Variants in AUTS2 observed in about 807,000 individuals in gnomAD.
AUTS2 encodes activator of transcription and developmental regulator AUTS2.
In AUTS2, 17 loss-of-function variants were observed where a neutral mutation model predicts 112.4. That is an observed-to-expected ratio of 0.15 (90% CI 0.10 to 0.23). The LOEUF (loss-of-function observed/expected upper bound fraction) is 0.23, where lower values mean the gene tolerates loss of function less well. Among genes scored for constraint, AUTS2 ranks in the 10% least tolerant of loss-of-function variants. The pLI, the probability that AUTS2 is intolerant of heterozygous loss-of-function variation, is 1.00. For synonymous variants in AUTS2, 751 were observed against 702.7 expected, an observed-to-expected ratio of 1.07 and a Z score of -1.09; for missense variants, 1,510 against 1,701.6, an observed-to-expected ratio of 0.89 and a Z score of 1.98.
At chr7:70,424,214 G>C (rs903009220) in intron 4 of AUTS2, among the ~76,000 whole-genome samples, 8 of 152,170 alleles carry the variant, frequency 5.3e-5, no homozygotes, top group African/African-American at 1.9e-4. Context: ...CTGTGAGCCA[G>C]GGACTGTGCT....
intron 2 of AUTS2, among the ~76,000 whole-genome samples, chr7:70,012,104 C>T (rs921060160): frequency 3.3e-5 from 5 of 152,132 alleles, no homozygotes; most frequent in Non-Finnish European, 5.9e-5. Context: ...TTCTGCAAAG[C>T]GTTGATGGTG....
At chr7:69,738,256 A>G (rs942240919) in intron 1 of AUTS2, among the ~76,000 whole-genome samples, 7 of 150,994 alleles carry the variant, frequency 4.6e-5, no homozygotes, top group African/African-American at 1.7e-4. Flanking sequence ...CTCCTTTTTC[A>G]TCCCCTTCTC....
At chr7:70,661,517 C>A (rs1369749333) in intron 5 of AUTS2, among the ~76,000 whole-genome samples, 3 of 152,150 alleles carry the variant, frequency 2.0e-5, no homozygotes, top group Non-Finnish European at 4.4e-5. Flanking sequence ...GTTGTAGCTC[C>A]GCTACCTGAT....
At chr7:69,600,024 G>T in intron 1 of AUTS2, 62 bp downstream of exon 1, 1 of 1,555,368 alleles carries the variant, frequency 6.4e-7, no homozygotes, top group Non-Finnish European at 8.8e-7. Flanking sequence ...GCTGCGCCCG[G>T]CTCTCCTGCC....
intron 4 of AUTS2, among the ~76,000 whole-genome samples, chr7:70,282,870 G>C (rs1189469842): frequency 6.6e-6 from 1 of 152,100 alleles, no homozygotes; most frequent in African/African-American, 2.4e-5. Context: ...CCATCCTGAT[G>C]TATATCAGCT....
chr7:69,893,733 A>G (rs1450627262), intron 1 of AUTS2, among the ~76,000 whole-genome samples: 2 of 152,144 alleles, frequency 1.3e-5, no homozygotes, highest in Non-Finnish European at 2.9e-5. Flanking sequence ...AACCCACTTC[A>G]TGCAAGGCAG....
chr7:70,124,929 G>A (rs1282327257), intron 3 of AUTS2, among the ~76,000 whole-genome samples: 1 of 152,100 alleles, frequency 6.6e-6, no homozygotes, highest in Non-Finnish European at 1.5e-5. Flanking sequence ...ACTGGTTTTT[G>A]TTTTTGTTTT....
At chr7:70,308,092 C>T (rs1789569003) in intron 4 of AUTS2, among the ~76,000 whole-genome samples, 1 of 152,182 alleles carries the variant, frequency 6.6e-6, no homozygotes, top group Non-Finnish European at 1.5e-5. Context: ...TACATTGTTT[C>T]TCTCATGCTA....
chr7:69,732,077 G>A (rs537949792), intron 1 of AUTS2, among the ~76,000 whole-genome samples: 7 of 152,130 alleles, frequency 4.6e-5, no homozygotes, highest in Middle Eastern at 3.4e-3. Context: ...TTGTTAGGAA[G>A]GCTATAGAGC....
At chr7:69,957,591 TA>T (rs66682286) in intron 2 of AUTS2, among the ~76,000 whole-genome samples, 7,308 of 152,254 alleles carry the variant, frequency 0.048, 236 homozygotes, top group Non-Finnish European at 0.07. Flanking sequence ...GGGAATATGT[TA>T]GAATTTTTTT....
intron 5 of AUTS2, among the ~76,000 whole-genome samples, chr7:70,509,397 C>T (rs1277501946): frequency 6.6e-6 from 1 of 152,078 alleles, no homozygotes; most frequent in Non-Finnish European, 1.5e-5. Context: ...GGGAAAGTAC[C>T]CTACGGAAGG....
At chr7:69,712,548 A>T (rs1407166558) in intron 1 of AUTS2, among the ~76,000 whole-genome samples, 1 of 152,156 alleles carries the variant, frequency 6.6e-6, no homozygotes, top group Non-Finnish European at 1.5e-5. Flanking sequence ...TGTAGTGTAT[A>T]TTGATAATTT....
chr7:70,697,458 G>T (rs776445696), intron 5 of AUTS2, among the ~76,000 whole-genome samples: 4 of 151,868 alleles, frequency 2.6e-5, no homozygotes, highest in East Asian at 1.9e-4. Context: ...ATGTACACAG[G>T]AATATTTCAT....
chr7:69,773,027 T>C (rs1449916578), intron 1 of AUTS2, among the ~76,000 whole-genome samples: 1 of 152,218 alleles, frequency 6.6e-6, no homozygotes, highest in Non-Finnish European at 1.5e-5. Context: ...TATGTAAGAA[T>C]GAGGACTCCA....
At chr7:70,376,518 G>A (rs1793091639) in intron 4 of AUTS2, among the ~76,000 whole-genome samples, 1 of 151,872 alleles carries the variant, frequency 6.6e-6, no homozygotes, top group Non-Finnish European at 1.5e-5. Context: ...GATATCCTGG[G>A]TGGGCATGAG....
chr7:69,817,128 G>T (rs1790796764), intron 1 of AUTS2, among the ~76,000 whole-genome samples: 2 of 152,156 alleles, frequency 1.3e-5, no homozygotes, highest in Non-Finnish European at 2.9e-5. Context: ...CAGTGGTACA[G>T]GGACTCCACA....
intron 1 of AUTS2, among the ~76,000 whole-genome samples, chr7:69,724,133 G>C (rs940500508): frequency 6.6e-6 from 1 of 152,114 alleles, no homozygotes; most frequent in Non-Finnish European, 1.5e-5. Context: ...AGACTACCTC[G>C]GGTGTGACCT....
chr7:70,485,700 A>G (rs1302765611), intron 5 of AUTS2, among the ~76,000 whole-genome samples: 1 of 152,132 alleles, frequency 6.6e-6, no homozygotes, highest in Non-Finnish European at 1.5e-5. Flanking sequence ...TTTCCTCAAA[A>G]CCACTGTGGG....
At chr7:69,643,018 A>G (rs1001620745) in intron 1 of AUTS2, among the ~76,000 whole-genome samples, 1 of 152,134 alleles carries the variant, frequency 6.6e-6, no homozygotes, top group African/African-American at 2.4e-5. Context: ...ACGCTTGACT[A>G]TGGAAGCATA....
Sources: allele counts gnomAD v4.1 joint callset (sites outside exome capture counted in the v4.1 genomes callset), GRCh38; gene constraint gnomAD v4.1.1; transcripts MANE v1.5; gene names NCBI Gene and HGNC (gene_info 2026-07-23, HGNC 2026-07-21).